Variants in MORN5 observed in about 807,000 individuals in gnomAD.
MORN5 encodes MORN repeat containing 5, also known as MORN repeat-containing protein 5.
In MORN5, 21 loss-of-function variants were observed where a neutral mutation model predicts 22.1. The ratio of observed to expected loss-of-function variants is 0.95; its 90% CI spans 0.67 to 1.37. The LOEUF (loss-of-function observed/expected upper bound fraction) is 1.37, where lower values mean the gene tolerates loss of function less well. MORN5 is among the 40% of genes most tolerant of loss of function. MORN5 has a pLI of 0.00. For synonymous variants in MORN5, 73 were observed against 74.0 expected, an observed-to-expected ratio of 0.99 and a Z score of 0.07; for missense variants, 211 against 215.1, an observed-to-expected ratio of 0.98 and a Z score of 0.12.
intron 3 of MORN5, among the ~76,000 whole-genome samples, chr9:122,171,453 G>A (rs926781985): frequency 1.3e-5 from 2 of 151,962 alleles, no homozygotes; most frequent in East Asian, 3.9e-4. Flanking sequence ...TGAGGTTCCC[G>A]GGGCTCTCTG....
At chr9:122,194,398 C>G (rs968768758) in intron 4 of MORN5, among the ~76,000 whole-genome samples, 1 of 152,062 alleles carries the variant, frequency 6.6e-6, no homozygotes, top group African/African-American at 2.4e-5. Context: ...ACAACATGCA[C>G]GTAAACAAAT....
chr9:122,172,668 G>A (rs374282045), intron 3 of MORN5, among the ~76,000 whole-genome samples: 29 of 152,270 alleles, frequency 1.9e-4, no homozygotes, highest in African/African-American at 7.2e-5. Context: ...GGCTTGGATC[G>A]TGAGTGTTCA....
intron 4 of MORN5, among the ~76,000 whole-genome samples, chr9:122,176,980 C>T (rs1216021448): frequency 6.6e-6 from 1 of 152,262 alleles, no homozygotes; most frequent in Non-Finnish European, 1.5e-5. Flanking sequence ...GAGAAAGTAA[C>T]TGCAGGATGC....
rs138953717 is a variant in MORN5 at position 122,196,778 on chromosome 9, G to C, written c.440-3107G>C. Among the ~76,000 whole-genome samples the C allele has an allele frequency of 1.2e-3, 178 of 152,248 alleles. 1 individual carries two copies. The highest frequency in any genetic ancestry group is 3.8e-3 in the African/African-American group (158 of 41,538). The stretch of plus-strand genomic sequence containing the variant: ...TCAATTTATCTTTAATTTTTCTTCT[G>C]TGCACAGTTATGACATAGGATATAC... On this transcript the variant is annotated intron_variant, in intron 4 of 4. Coordinates refer to ENST00000373764, the MANE Select transcript of MORN5 (RefSeq NM_198469.4).
intron 1 of MORN5, among the ~76,000 whole-genome samples, chr9:122,163,056 A>G (rs1382013843): frequency 6.6e-6 from 1 of 152,148 alleles, no homozygotes; most frequent in Non-Finnish European, 1.5e-5. Context: ...TAAAAAAAAA[A>G]AGGTTAATGT....
intron 4 of MORN5, among the ~76,000 whole-genome samples, chr9:122,190,718 C>T (rs577316238): frequency 1.3e-5 from 2 of 152,404 alleles, no homozygotes; most frequent in Non-Finnish European, 2.9e-5. Flanking sequence ...CAGGCTTTGC[C>T]TAGGCAATGA....
intron 2 of MORN5, 141 bp downstream of exon 2, chr9:122,167,056 CTT>C (rs35889616): frequency 0.038 from 16,799 of 438,084 alleles, no homozygotes; most frequent in South Asian, 0.053. Flanking sequence ...ACTCCCCCCA[CTT>C]TTTTTTTTTT....
At chr9:122,196,809 G>A (rs936863937) in intron 4 of MORN5, among the ~76,000 whole-genome samples, 2 of 152,102 alleles carry the variant, frequency 1.3e-5, no homozygotes, top group African/African-American at 2.4e-5. Context: ...TATACTATGT[G>A]TACTTTTATT....
At chr9:122,185,109 G>A (rs973318309) in intron 4 of MORN5, among the ~76,000 whole-genome samples, 2 of 152,186 alleles carry the variant, frequency 1.3e-5, no homozygotes, top group African/African-American at 4.8e-5. Context: ...AGGCTGGGGT[G>A]CAGTGGCACA....
At chr9:122,163,326 C>T (rs950019) in intron 1 of MORN5, among the ~76,000 whole-genome samples, 78,314 of 152,048 alleles carry the variant, frequency 0.52, 21,428 homozygotes, top group African/African-American at 0.67. Context: ...CGGAGTAAAC[C>T]TGCCCAAAGT....
intron 4 of MORN5, among the ~76,000 whole-genome samples, chr9:122,199,543 T>C (rs545530835): frequency 3.3e-5 from 5 of 152,272 alleles, no homozygotes; most frequent in African/African-American, 4.8e-5. Context: ...CCCACTGTCC[T>C]GGGGCTGTCG....
chr9:122,167,328 G>A (rs891065343), intron 2 of MORN5, among the ~76,000 whole-genome samples: 14 of 148,244 alleles, frequency 9.4e-5, no homozygotes, highest in African/African-American at 1.3e-4. Context: ...TTACAGGTGC[G>A]CAGGTGTGAG....
intron 4 of MORN5, among the ~76,000 whole-genome samples, chr9:122,187,247 G>T (rs1182561758): frequency 6.6e-6 from 1 of 152,218 alleles, no homozygotes. Context: ...ACATCCCAAA[G>T]GGAGGAGCCA....
intron 4 of MORN5, 88 bp from the exon 5 acceptor site, chr9:122,199,797 G>A (rs1169219030): frequency 7.6e-7 from 1 of 1,316,166 alleles, no homozygotes; most frequent in Non-Finnish European, 1.1e-6. Context: ...GACCATCCCA[G>A]TCCCAACGCC....
chr9:122,198,637 T>C (rs1186099539), intron 4 of MORN5, among the ~76,000 whole-genome samples: 1 of 152,134 alleles, frequency 6.6e-6, no homozygotes, highest in East Asian at 1.9e-4. Flanking sequence ...ACCCTCCTCC[T>C]GGAAGGAACG....
chr9:122,187,968 T>C (rs1043204122), intron 4 of MORN5, among the ~76,000 whole-genome samples: 1 of 151,982 alleles, frequency 6.6e-6, no homozygotes, highest in African/African-American at 2.4e-5. Context: ...TGGGCAAAGG[T>C]CCAGAGAGAT....
chr9:122,162,360 G>A (rs1334588812), intron 1 of MORN5, among the ~76,000 whole-genome samples: 1 of 152,120 alleles, frequency 6.6e-6, no homozygotes. Flanking sequence ...TTAACGTTTG[G>A]TTTAAAAAGT....
intron 4 of MORN5, among the ~76,000 whole-genome samples, chr9:122,195,544 G>GT (rs1554805807): frequency 1.3e-5 from 2 of 152,132 alleles, no homozygotes; most frequent in Admixed American, 6.6e-5. Flanking sequence ...TCTGTCTGAT[G>GT]TTTTTTCTCA....
At chr9:122,191,012 C>T (rs1194530800) in intron 4 of MORN5, among the ~76,000 whole-genome samples, 3 of 152,144 alleles carry the variant, frequency 2.0e-5, no homozygotes, top group Non-Finnish European at 4.4e-5. Context: ...TGGGCCTAGA[C>T]CCCCCCAAAA....
Sources: allele counts gnomAD v4.1 joint callset (sites outside exome capture counted in the v4.1 genomes callset), GRCh38; gene constraint gnomAD v4.1.1; transcripts MANE v1.5; gene names NCBI Gene and HGNC (gene_info 2026-07-23, HGNC 2026-07-21).